LUZP2: variants seen among roughly 807,000 people sequenced by gnomAD.
LUZP2 encodes the protein leucine zipper protein 2.
Under a neutral mutation model 51.6 loss-of-function variants are expected in LUZP2, and 52 were observed. That is an observed-to-expected ratio of 1.01 (90% CI 0.81 to 1.27). The LOEUF is 1.27. Among genes scored for constraint, LUZP2 ranks in the 50% most tolerant of loss-of-function variants. The pLI is 0.00. For synonymous variants in LUZP2, 154 were observed against 137.3 expected, an observed-to-expected ratio of 1.12 and a Z score of -0.85; for missense variants, 436 against 395.4, an observed-to-expected ratio of 1.10 and a Z score of -0.87.
At chr11:24,967,106 C>T (rs1262274025) in intron 7 of LUZP2, among the ~76,000 whole-genome samples, 1 of 151,744 alleles carries the variant, frequency 6.6e-6, no homozygotes, top group Non-Finnish European at 1.5e-5. Context: ...CAACAACACA[C>T]TGCTATTAAT....
chr11:24,822,568 T>C (rs1850392430), intron 5 of LUZP2, among the ~76,000 whole-genome samples: 1 of 152,176 alleles, frequency 6.6e-6, no homozygotes, highest in Admixed American at 6.5e-5. Flanking sequence ...GTGATGGTTA[T>C]TGTTCTTTTA....
intron 5 of LUZP2, among the ~76,000 whole-genome samples, chr11:24,792,097 T>A (rs1276827047): frequency 6.6e-6 from 1 of 152,106 alleles, no homozygotes; most frequent in African/African-American, 2.4e-5. Context: ...CATTTAGCTC[T>A]TGTGACCTAC....
chr11:24,938,702 A>G (rs1354089386), intron 7 of LUZP2, among the ~76,000 whole-genome samples: 2 of 152,050 alleles, frequency 1.3e-5, no homozygotes, highest in Admixed American at 1.3e-4. Context: ...TAATATTTTC[A>G]CTTATTTGAA....
At chr11:25,066,982 C>T (rs1426456008) in intron 10 of LUZP2, among the ~76,000 whole-genome samples, 1 of 151,960 alleles carries the variant, frequency 6.6e-6, no homozygotes, top group Non-Finnish European at 1.5e-5. Context: ...GCAATTAAAA[C>T]TACAAAAGGT....
chr11:24,518,335 C>T (rs1158269152), intron 1 of LUZP2, among the ~76,000 whole-genome samples: 1 of 151,942 alleles, frequency 6.6e-6, no homozygotes, highest in Non-Finnish European at 1.5e-5. Context: ...TAACTTTAGC[C>T]ATGTTTGTTA....
At chr11:24,891,096 A>G in intron 5 of LUZP2, 1 of 982,998 alleles carries the variant, frequency 1.0e-6, no homozygotes, top group South Asian at 4.7e-5. Context: ...TGGCTAATGC[A>G]GTGAGAAAAG....
intron 1 of LUZP2, among the ~76,000 whole-genome samples, chr11:24,567,771 G>T (rs565889687): frequency 1.3e-5 from 2 of 151,954 alleles, no homozygotes; most frequent in Non-Finnish European, 2.9e-5. Context: ...AAATAAATGA[G>T]ACTTTATATA....
chr11:24,594,796 G>A (rs1288050698), intron 1 of LUZP2, among the ~76,000 whole-genome samples: 1 of 114,006 alleles, frequency 8.8e-6, no homozygotes, highest in Non-Finnish European at 1.6e-5. Context: ...GTCTTGCTCT[G>A]TCGCTCAGGC....
chr11:24,964,243 C>T (rs1017017220), intron 7 of LUZP2, among the ~76,000 whole-genome samples: 11 of 152,102 alleles, frequency 7.2e-5, no homozygotes, highest in Non-Finnish European at 1.5e-5. Context: ...TTCATGGTAA[C>T]TGGCACATTT....
At chr11:24,586,638 G>C (rs1590210944) in intron 1 of LUZP2, among the ~76,000 whole-genome samples, 1 of 151,904 alleles carries the variant, frequency 6.6e-6, no homozygotes, top group Admixed American at 6.6e-5. Flanking sequence ...AAGTGACCTT[G>C]TTTTGGATTA....
intron 5 of LUZP2, among the ~76,000 whole-genome samples, chr11:24,844,913 C>A (rs1234879600): frequency 6.6e-6 from 1 of 152,144 alleles, no homozygotes; most frequent in Non-Finnish European, 1.5e-5. Context: ...GTCTGTATAC[C>A]CAGGTGGAAG....
intron 9 of LUZP2, among the ~76,000 whole-genome samples, chr11:25,016,591 TG>T (rs1295074449): frequency 6.0e-5 from 9 of 151,116 alleles, no homozygotes; most frequent in Non-Finnish European, 1.2e-4. Context: ...TGGTGCAGTA[TG>T]TGTATATATA....
intron 1 of LUZP2, among the ~76,000 whole-genome samples, chr11:24,511,574 T>C (rs1401996731): frequency 1.3e-5 from 2 of 152,050 alleles, no homozygotes; most frequent in African/African-American, 4.8e-5. Context: ...TAATAATCTT[T>C]ATGTGACTAG....
At chr11:25,002,615 G>A (rs777152953) in intron 9 of LUZP2, among the ~76,000 whole-genome samples, 13 of 152,048 alleles carry the variant, frequency 8.5e-5, no homozygotes, top group South Asian at 2.1e-4. Context: ...GGCCACCACC[G>A]CAACTACCTG....
chr11:24,602,684 A>T (rs1402926706), intron 1 of LUZP2, among the ~76,000 whole-genome samples: 1 of 151,186 alleles, frequency 6.6e-6, no homozygotes, highest in Admixed American at 6.6e-5. Context: ...GCAAATATCA[A>T]CTCATTTCTA....
chr11:24,824,471 A>G (rs1460534975), intron 5 of LUZP2, among the ~76,000 whole-genome samples: 2 of 150,980 alleles, frequency 1.3e-5, no homozygotes, highest in Admixed American at 6.6e-5. Flanking sequence ...TTGAGAAGGA[A>G]CCGTCAAGAC....
At chr11:24,839,803 G>T (rs1850969668) in intron 5 of LUZP2, among the ~76,000 whole-genome samples, 1 of 151,524 alleles carries the variant, frequency 6.6e-6, no homozygotes, top group African/African-American at 2.4e-5. Flanking sequence ...TCATAATCCA[G>T]AAGAAATAAT....
chr11:24,822,086 G>T (rs1335466378), intron 5 of LUZP2, among the ~76,000 whole-genome samples: 1 of 151,624 alleles, frequency 6.6e-6, no homozygotes, highest in East Asian at 1.9e-4. Context: ...ATTGTCATGA[G>T]AATTAAATGT....
rs1186500771 is a variant in LUZP2, at chr11:24,602,236, GTATATATGTA to G, written c.62+104940_62+104949del. Among the ~76,000 whole-genome samples, 113 of 13,776 alleles carry G rather than the reference GTATATATGTA, an allele frequency of 8.2e-3. 1 individual carries two copies. The highest frequency in any genetic ancestry group is 0.033 in the Admixed American group (13 of 400). The allele number at this position is 13,776 out of a possible 152,430, so 9.0% of individuals were successfully genotyped here. A position where few individuals can be genotyped will look rare whatever the true frequency, so the allele number is the denominator to read the frequency against. ...TATATGTATATATGTACATATATGT[GTATATATGTA>G]TATATATGCAAACATATATGTACAT... On this transcript the variant is annotated intron_variant, in intron 1 of 11. Transcript: ENST00000336930.
Sources: allele counts gnomAD v4.1 joint callset (sites outside exome capture counted in the v4.1 genomes callset), GRCh38; gene constraint gnomAD v4.1.1; transcripts MANE v1.5; gene names NCBI Gene and HGNC (gene_info 2026-07-23, HGNC 2026-07-21).